The following ADAM10 variants were observed in gnomAD, a reference collection of about 807,000 sequenced individuals.
The protein encoded by ADAM10 is ADAM metallopeptidase domain 10, also known as disintegrin and metalloproteinase domain-containing protein 10.
ADAM10 carries 17 observed loss-of-function variants against 90.1 expected under a neutral mutation model. The observed-to-expected ratio is 0.19, with a 90% CI of 0.13 to 0.28. The LOEUF is 0.28. Among genes scored for constraint, ADAM10 ranks in the 10% least tolerant of loss-of-function variants. The pLI, the probability that ADAM10 is intolerant of heterozygous loss-of-function variation, is 1.00. For synonymous variants in ADAM10, 310 were observed against 298.6 expected, an observed-to-expected ratio of 1.04 and a Z score of -0.40; for missense variants, 610 against 914.3, an observed-to-expected ratio of 0.67 and a Z score of 4.29.
chr15:58,679,382 G>A, intron 3 of ADAM10, 100 bp from the exon 4 acceptor site: 9 of 987,604 alleles, frequency 9.1e-6, no homozygotes, highest in South Asian at 1.4e-5. Flanking sequence ...ATACACACAT[G>A]CATACATATA....
rs1369668715 is a variant in ADAM10 at position 58,594,791 on chromosome 15, T to A, written c.*2756A>T. ...CCCAAATCAATCAATATTGAGAGTTTCATAAATAACTAAACATAATATACA... is the reference window on the plus strand; with the variant it reads ...CCCAAATCAATCAATATTGAGAGTTACATAAATAACTAAACATAATATACA... On this transcript the variant is annotated 3_prime_UTR_variant, in exon 16 of 16. Transcript: ENST00000260408. The A allele has an allele frequency of 6.6e-6, 1 of 152,224 alleles. No individual in the cohort carries two copies. The highest frequency in any genetic ancestry group is 1.5e-5 in the Non-Finnish European group (1 of 68,034). 9.4% of individuals were successfully genotyped at this position (152,224 alleles called of 1,614,324 possible).
intron 2 of ADAM10, among the ~76,000 whole-genome samples, chr15:58,683,859 CAAAAAAAAAAAAA>C (rs71425819): frequency 1.5e-5 from 1 of 67,256 alleles, no homozygotes; most frequent in African/African-American, 5.9e-5. Context: ...GGCTCCATCT[CAAAAAAAAAAAAA>C]AAAAAAAAAA....
At chr15:58,702,426 G>A in intron 2 of ADAM10, among the ~76,000 whole-genome samples, 1 of 152,050 alleles carries the variant, frequency 6.6e-6, no homozygotes, top group African/African-American at 2.4e-5. Context: ...ACAATACATT[G>A]TATATTTCAC....
At chr15:58,679,322 C>T (rs547481357) in intron 3 of ADAM10, 40 bp from the exon 4 acceptor site, 4 of 1,585,456 alleles carry the variant, frequency 2.5e-6, no homozygotes, top group Non-Finnish European at 2.6e-6. Context: ...ATTTAATTTG[C>T]ACATGAATGT....
At chr15:58,692,547 C>G (rs776483955) in intron 2 of ADAM10, 8 of 536,518 alleles carry the variant, frequency 1.5e-5, no homozygotes, top group Non-Finnish European at 3.0e-5. Context: ...CTGGTTCCTT[C>G]TCCAAATAAA....
chr15:58,655,711 G>GTGTATGTATATATATATATATA (rs1212041296), intron 5 of ADAM10, among the ~76,000 whole-genome samples: 2 of 53,732 alleles, frequency 3.7e-5, no homozygotes, highest in Non-Finnish European at 6.5e-5. Context: ...TATATATATA[G>GTGTATGTATATATATATATATA]TATATATATA....
chr15:58,682,687 C>T (rs1897473214), intron 2 of ADAM10, among the ~76,000 whole-genome samples: 2 of 152,124 alleles, frequency 1.3e-5, no homozygotes, highest in African/African-American at 4.8e-5. Context: ...AGTAATTCTG[C>T]TATTTTGCTA....
Position 58,597,355 on chromosome 15 carries a change from A to AC in ADAM10, c.*191dup. The AC allele has an allele frequency of 6.5e-7, 1 of 1,539,404 alleles. No homozygotes were observed. Among genetic ancestry groups the AC allele is most frequent in the Non-Finnish European group, 8.8e-7 (1 of 1,142,284 alleles). On this transcript the variant is annotated 3_prime_UTR_variant, in exon 16 of 16. Transcript: ENST00000260408. ...AAATTGGGTTCCTTTTCCACCTCCC[A>AC]CCCCCAAATTGGAATTTTCAGGCTT...
intron 1 of ADAM10, among the ~76,000 whole-genome samples, chr15:58,728,382 T>TA (rs1899111982): frequency 6.6e-6 from 1 of 152,176 alleles, no homozygotes; most frequent in Non-Finnish European, 1.5e-5. Flanking sequence ...TTCGTACACT[T>TA]AAAAAATTGT....
intron 2 of ADAM10, among the ~76,000 whole-genome samples, chr15:58,715,067 G>C (rs1898610256): frequency 6.6e-6 from 1 of 152,056 alleles, no homozygotes; most frequent in African/African-American, 2.4e-5. Context: ...ATCTGAAATT[G>C]GATGAATTAC....
intron 14 of ADAM10, 127 bp downstream of exon 14, chr15:58,610,170 A>G (rs1298047787): frequency 2.5e-6 from 2 of 792,886 alleles, no homozygotes; most frequent in Admixed American, 4.2e-5. Flanking sequence ...AACTTTAAAA[A>G]TCTTCATATA....
chr15:58,610,726 C>G (rs1449460603), intron 13 of ADAM10: 2 of 660,944 alleles, frequency 3.0e-6, no homozygotes, highest in Admixed American at 4.7e-5. Context: ...CAAGTCTTGA[C>G]TCAGTGTCCA....
chr15:58,680,592 A>C (rs183948285), intron 3 of ADAM10, among the ~76,000 whole-genome samples: 37 of 152,324 alleles, frequency 2.4e-4, no homozygotes, highest in Non-Finnish European at 4.9e-4. Flanking sequence ...TTTGGTTCTT[A>C]ATATAATCAC....
At chr15:58,621,329 T>C in intron 11 of ADAM10, 142 bp downstream of exon 11, 1 of 582,966 alleles carries the variant, frequency 1.7e-6, no homozygotes, top group Non-Finnish European at 3.0e-6. Context: ...TAACCAACAC[T>C]ACTTCAGAAA....
At chr15:58,656,926 A>G (rs1162274464) in intron 5 of ADAM10, among the ~76,000 whole-genome samples, 3 of 152,036 alleles carry the variant, frequency 2.0e-5, no homozygotes, top group Admixed American at 6.5e-5. Context: ...GAAAGTTTTT[A>G]TTTCTCCTTC....
rs560500292 is a variant in ADAM10, at chr15:58,735,741, C to A, written c.55+13739G>T. On this transcript the variant is annotated intron_variant, in intron 1 of 15. Coordinates refer to ENST00000260408, the MANE Select transcript of ADAM10 (RefSeq NM_001110.4). Reference sequence around the variant, plus strand: ...AAAATTCACAGACACAGAGGGTCAACTGGTATTTACTAATCTGCCTTTTAA... The same window carrying A: ...AAAATTCACAGACACAGAGGGTCAAATGGTATTTACTAATCTGCCTTTTAA... Among the ~76,000 whole-genome samples, 5 of 152,274 alleles carry A rather than the reference C, an allele frequency of 3.3e-5. No homozygotes were observed. In the South Asian group the frequency reaches 8.3e-4, roughly 25 times the overall value.
intron 5 of ADAM10, among the ~76,000 whole-genome samples, chr15:58,653,537 A>G (rs1471017714): frequency 6.6e-6 from 1 of 152,162 alleles, no homozygotes; most frequent in African/African-American, 2.4e-5. Flanking sequence ...CATACGTTGA[A>G]CCATTCTTGC....
intron 1 of ADAM10, among the ~76,000 whole-genome samples, chr15:58,725,494 T>G (rs2140828928): frequency 6.6e-6 from 1 of 151,506 alleles, no homozygotes; most frequent in South Asian, 2.1e-4. Context: ...TGCAGTGAGC[T>G]ATGATCACAA....
At chr15:58,649,038 G>C (rs1896622707) in intron 5 of ADAM10, among the ~76,000 whole-genome samples, 1 of 151,952 alleles carries the variant, frequency 6.6e-6, no homozygotes, top group African/African-American at 2.4e-5. Context: ...CTTTTAATCG[G>C]TGCATTTAAT....
Sources: gnomAD v4.1 joint callset for allele counts (sites outside exome capture counted in the v4.1 genomes callset) on GRCh38, gnomAD v4.1.1 for gene constraint, MANE v1.5 for transcripts, NCBI Gene and HGNC (gene_info 2026-07-23, HGNC 2026-07-21) for gene names.